DOCK2: variants seen among roughly 807,000 people sequenced by gnomAD.
DOCK2 encodes dedicator of cytokinesis protein 2.
Under a neutral mutation model 248.9 loss-of-function variants are expected in DOCK2, and 87 were observed. The observed-to-expected ratio is 0.35, with a 90% CI of 0.29 to 0.42. The LOEUF (loss-of-function observed/expected upper bound fraction) is 0.42. Ranked by LOEUF, DOCK2 falls within the 10% of genes least tolerant of loss-of-function variation. The pLI, the probability that DOCK2 is intolerant of heterozygous loss-of-function variation, is 1.00. For synonymous variants in DOCK2, 805 were observed against 821.6 expected (o/e 0.98, Z 0.35); for missense variants, 1,747 against 2,300.2 (o/e 0.76, Z 4.92).
At chr5:169,946,591 T>C (rs1211978515) in intron 27 of DOCK2, among the ~76,000 whole-genome samples, 1 of 152,174 alleles carries the variant, frequency 6.6e-6, no homozygotes, top group Admixed American at 6.5e-5. Context: ...TCATTCACTT[T>C]TTCATTCCAC....
chr5:169,800,547 T>C (rs893205095), intron 25 of DOCK2, among the ~76,000 whole-genome samples: 1 of 152,204 alleles, frequency 6.6e-6, no homozygotes. Context: ...TGGAATTTAA[T>C]TAAAAACTGA....
At chr5:169,677,561 A>C (rs1028810365) in intron 6 of DOCK2, among the ~76,000 whole-genome samples, 2 of 152,180 alleles carry the variant, frequency 1.3e-5, no homozygotes, top group Admixed American at 6.5e-5. Context: ...TTTTTCCCCT[A>C]AACCTGCTGA....
intron 22 of DOCK2, 69 bp downstream of exon 22, chr5:169,718,860 C>G (rs1424549207): frequency 4.6e-6 from 7 of 1,510,280 alleles, no homozygotes; most frequent in Non-Finnish European, 6.3e-6. Context: ...AGTATTTTTA[C>G]TGTAGGAGAA....
intron 26 of DOCK2, among the ~76,000 whole-genome samples, chr5:169,820,781 C>T (rs973874131): frequency 1.2e-4 from 18 of 152,202 alleles, no homozygotes; most frequent in Non-Finnish European, 1.8e-4. Flanking sequence ...ATGACTTTGA[C>T]GAGCTGAGAG....
intron 27 of DOCK2, among the ~76,000 whole-genome samples, chr5:169,841,787 G>A (rs188396703): frequency 1.1e-3 from 161 of 152,054 alleles, no homozygotes; most frequent in African/African-American, 3.6e-3. Flanking sequence ...ACGTATAATC[G>A]GAAATATACA....
At chr5:169,958,514 A>T (rs1315600426) in intron 27 of DOCK2, among the ~76,000 whole-genome samples, 1 of 152,078 alleles carries the variant, frequency 6.6e-6, no homozygotes, top group African/African-American at 2.4e-5. Context: ...AGCTGTTACC[A>T]TTAGCCCAGC....
At chr5:169,881,791 G>A (rs1313096527) in intron 27 of DOCK2, among the ~76,000 whole-genome samples, 2 of 152,056 alleles carry the variant, frequency 1.3e-5, no homozygotes, top group South Asian at 4.1e-4. Flanking sequence ...TCTCCTATAC[G>A]GCAGTGCTGA....
rs143488172 is a variant in DOCK2 at position 169,638,898 on chromosome 5, G to A, written c.43+1529G>A. Among the ~76,000 whole-genome samples the A allele has an allele frequency of 2.7e-3, 418 of 152,308 alleles. 3 individuals carry two copies. The highest frequency in any genetic ancestry group is 0.024 in the Middle Eastern group (7 of 294). On this transcript the variant is annotated intron_variant, in intron 1 of 51. Coordinates refer to ENST00000520908, the MANE Select transcript of DOCK2 (RefSeq NM_004946.3). ...TCTTCAGACCCTAGGCCCTTTGCAT[G>A]GCACCAGAAAAGCATCTAGAAGGGG...
chr5:169,868,534 G>A (rs929296710), intron 27 of DOCK2, among the ~76,000 whole-genome samples: 5 of 152,206 alleles, frequency 3.3e-5, no homozygotes, highest in African/African-American at 1.2e-4. Flanking sequence ...CCAGGTGGGA[G>A]GATTCCTTGA....
intron 27 of DOCK2, among the ~76,000 whole-genome samples, chr5:169,865,878 C>T (rs1429663651): frequency 1.3e-5 from 2 of 152,236 alleles, no homozygotes; most frequent in Non-Finnish European, 2.9e-5. Context: ...TCTGCCCTTG[C>T]TTACTCTCCC....
chr5:170,047,587 C>T lies in DOCK2; in HGVS notation c.4044C>T (p.Tyr1348=), dbSNP rs199913251. 142 of 1,613,886 alleles carry T rather than the reference C, an allele frequency of 8.8e-5. No individual in the cohort carries two copies. The highest frequency in any genetic ancestry group is 3.8e-4 in the East Asian group (17 of 44,862). ...CAGACTACTTTGCTGTTGGATACTACGGCCAGGGATTCCCCTCCTTCCTGC... is the reference window on the plus strand; with the variant it reads ...CAGACTACTTTGCTGTTGGATACTATGGCCAGGGATTCCCCTCCTTCCTGC... ...PKPDYFAVGY[Y]GQGFPSFLRN... Residue 1348 remains tyrosine, a synonymous_variant, in exon 40 of 52, where the codon TAC becomes TAT. Transcript: ENST00000520908.
intron 27 of DOCK2, among the ~76,000 whole-genome samples, chr5:169,911,063 A>G (rs1386706258): frequency 6.6e-6 from 1 of 152,202 alleles, no homozygotes; most frequent in Non-Finnish European, 1.5e-5. Context: ...ACTAGCAGGC[A>G]GCTGTTGTTC....
At chr5:169,991,884 T>C (rs938233380) in intron 29 of DOCK2, among the ~76,000 whole-genome samples, 1 of 152,360 alleles carries the variant, frequency 6.6e-6, no homozygotes, top group South Asian at 2.1e-4. Flanking sequence ...GTTTAATGGG[T>C]ATAACAGTAG....
intron 1 of DOCK2, among the ~76,000 whole-genome samples, chr5:169,646,409 G>T (rs76100096): frequency 0.011 from 1,617 of 152,232 alleles, 36 homozygotes; most frequent in African/African-American, 0.037. Context: ...TCTTCATTTT[G>T]CAGGTGAGGA....
At chr5:169,740,711 C>A (rs1180278413) in intron 22 of DOCK2, among the ~76,000 whole-genome samples, 1 of 152,230 alleles carries the variant, frequency 6.6e-6, no homozygotes, top group African/African-American at 2.4e-5. Context: ...GTCATCCTAA[C>A]CGTTCCTTAC....
intron 27 of DOCK2, among the ~76,000 whole-genome samples, chr5:169,890,582 G>C (rs533081287): frequency 1.3e-5 from 2 of 152,070 alleles, no homozygotes; most frequent in South Asian, 4.1e-4. Flanking sequence ...GGTATATTTT[G>C]GGGGTCTGCC....
chr5:169,653,498 G>A (rs10036335), intron 1 of DOCK2, among the ~76,000 whole-genome samples: 71,867 of 151,732 alleles, frequency 0.47, 17,373 homozygotes, highest in Non-Finnish European at 0.53. Context: ...GGCCAAGGGC[G>A]TCATGAAGGA....
Position 169,695,860 on chromosome 5 carries a change from C to T in DOCK2, c.901C>T (p.Arg301Trp). The T allele has an allele frequency of 3.7e-6, 6 of 1,613,758 alleles. No homozygotes were observed. Among genetic ancestry groups the T allele is most frequent in the East Asian group, 2.2e-5 (1 of 44,846 alleles). The part of the protein sequence containing the change: ...DKIYLICQIV[R>W]VGKMDLKDTG... ...AATTTACTTGATTTGTCAAATAGTCCGGGTCGGCAAGATGGATCTTAAGGA... is the reference window on the plus strand; with the variant it reads ...AATTTACTTGATTTGTCAAATAGTCTGGGTCGGCAAGATGGATCTTAAGGA... The change falls in exon 10 of 52, where the codon CGG becomes TGG. Residue 301 changes from arginine to tryptophan, a missense_variant. Physicochemically the swap from Arg to Trp is moderately radical, Grantham distance 101. Coordinates refer to ENST00000520908, the MANE Select transcript of DOCK2 (RefSeq NM_004946.3).
At chr5:169,741,880 G>A (rs1373042930) in intron 22 of DOCK2, among the ~76,000 whole-genome samples, 2 of 140,518 alleles carry the variant, frequency 1.4e-5, no homozygotes, top group East Asian at 2.1e-4. Context: ...TGCGATCTCA[G>A]CTTACCGCAA....
Sources: allele counts gnomAD v4.1 joint callset (sites outside exome capture counted in the v4.1 genomes callset), GRCh38; gene constraint gnomAD v4.1.1; transcripts MANE v1.5; gene names NCBI Gene and HGNC (gene_info 2026-07-23, HGNC 2026-07-21).